The following SH3RF1 variants were observed in gnomAD, a reference collection of about 807,000 sequenced individuals.
SH3RF1 encodes SH3 domain containing ring finger 1, also known as E3 ubiquitin-protein ligase SH3RF1.
SH3RF1 carries 32 observed loss-of-function variants against 74.0 expected under a neutral mutation model. The observed-to-expected ratio is 0.43, with a 90% CI of 0.33 to 0.58. The LOEUF (loss-of-function observed/expected upper bound fraction) is 0.58, where lower values mean the gene tolerates loss of function less well. Among genes scored for constraint, SH3RF1 ranks in the 20% least tolerant of loss-of-function variants. The pLI is 0.05. For synonymous variants in SH3RF1, 396 were observed against 439.6 expected (o/e 0.90, Z 1.24); for missense variants, 954 against 1,130.9 (o/e 0.84, Z 2.24).
At chr4:169,213,462 T>C (rs1730413006) in intron 2 of SH3RF1, among the ~76,000 whole-genome samples, 1 of 152,242 alleles carries the variant, frequency 6.6e-6, no homozygotes, top group African/African-American at 2.4e-5. Context: ...AAATATTTTC[T>C]CCTAGTCTGT....
At chr4:169,247,871 A>T (rs1731029651) in intron 2 of SH3RF1, among the ~76,000 whole-genome samples, 1 of 40,566 alleles carries the variant, frequency 2.5e-5, no homozygotes, top group Non-Finnish European at 5.9e-5. Context: ...ACATTTATGC[A>T]GCCAACAAAC....
Position 169,198,065 on chromosome 4 carries a change from A to C in SH3RF1, c.394-41386T>G, listed in dbSNP as rs182352397. On this transcript the variant is annotated intron_variant, in intron 2 of 11. Coordinates refer to ENST00000284637, the MANE Select transcript of SH3RF1 (RefSeq NM_020870.4). ...TACTATTGTGCTTTAAGAAAAATCAATTGGTCCAAATTATTGCATCTAATG... is the reference window on the plus strand; with the variant it reads ...TACTATTGTGCTTTAAGAAAAATCACTTGGTCCAAATTATTGCATCTAATG... 2.1e-3 allele frequency among the ~76,000 whole-genome samples: 327 copies of C among 152,316 alleles called. 3 individuals carry two copies. Among genetic ancestry groups the C allele is most frequent in the African/African-American group, 7.7e-3 (319 of 41,580 alleles).
At chr4:169,121,952 T>C (rs149266412) in intron 7 of SH3RF1, 148 bp downstream of exon 7, 3 of 963,286 alleles carry the variant, frequency 3.1e-6, no homozygotes, top group Non-Finnish European at 3.0e-6. Flanking sequence ...GTTACATGCA[T>C]GACCAGGTAG....
intron 2 of SH3RF1, among the ~76,000 whole-genome samples, chr4:169,231,624 C>A (rs116291315): frequency 6.6e-6 from 1 of 151,962 alleles, no homozygotes; most frequent in Admixed American, 6.6e-5. Context: ...TTCTCCTACA[C>A]TCAAGATTCT....
intron 2 of SH3RF1, among the ~76,000 whole-genome samples, chr4:169,262,986 A>G (rs1157491779): frequency 1.3e-5 from 2 of 152,148 alleles, no homozygotes; most frequent in South Asian, 4.1e-4. Context: ...TGGTTTAGCC[A>G]AAACAAACAA....
rs1734055584 is a variant in SH3RF1, at chr4:169,156,448, C to T, written c.625G>A (p.Val209Met). 6.2e-7 allele frequency: 1 copy of T among 1,604,130 alleles called. No individual in the cohort carries two copies. The highest frequency in any genetic ancestry group is 8.5e-7 in the Non-Finnish European group (1 of 1,172,468). Residue 209 changes from valine (V) to methionine (M), a missense_variant, in exon 3 of 12, where the codon GTG (valine) becomes ATG (methionine). Val to Met is a conservative substitution (Grantham distance 21, BLOSUM62 1). Transcript: ENST00000284637. ...PQCKALYDFE[V>M]KDKEADKDCL... ...TCTTTGTCTGCTTCCTTGTCTTTCA[C>T]TTCAAAGTCATAAAGTGCTTTGCAC... is the stretch of plus-strand genomic sequence containing the variant.
chr4:169,125,054 T>C (rs971380172), intron 6 of SH3RF1, among the ~76,000 whole-genome samples: 5 of 152,190 alleles, frequency 3.3e-5, no homozygotes, highest in Non-Finnish European at 5.9e-5. Flanking sequence ...TTGTTAACAA[T>C]ATTCTGCTCA....
intron 6 of SH3RF1, among the ~76,000 whole-genome samples, chr4:169,123,243 T>C (rs570322102): frequency 1.3e-5 from 2 of 152,316 alleles, no homozygotes; most frequent in East Asian, 3.9e-4. Context: ...CTTATTTCTG[T>C]TTTTTGGAAT....
At chr4:169,234,197 T>G (rs573271426) in intron 2 of SH3RF1, among the ~76,000 whole-genome samples, 1 of 152,140 alleles carries the variant, frequency 6.6e-6, no homozygotes. Context: ...AATTTTTTTT[T>G]AAATTGTCCC....
chr4:169,268,090 A>G (rs771983705), intron 2 of SH3RF1, among the ~76,000 whole-genome samples: 30 of 152,172 alleles, frequency 2.0e-4, no homozygotes, highest in Non-Finnish European at 4.0e-4. Flanking sequence ...TCTAATAAAT[A>G]CAGAAATTTT....
intron 2 of SH3RF1, among the ~76,000 whole-genome samples, chr4:169,244,452 C>T (rs2110738022): frequency 6.6e-6 from 1 of 152,176 alleles, no homozygotes; most frequent in Admixed American, 6.5e-5. Flanking sequence ...TCTCTTTCTA[C>T]CCAATTCTAG....
chr4:169,101,107 G>A (rs1733020205), intron 11 of SH3RF1, among the ~76,000 whole-genome samples: 1 of 152,138 alleles, frequency 6.6e-6, no homozygotes, highest in African/African-American at 2.4e-5. Context: ...TGTCCGTCTC[G>A]TTTATTCTAC....
chr4:169,166,008 T>C (rs941297829), intron 2 of SH3RF1, among the ~76,000 whole-genome samples: 4 of 152,008 alleles, frequency 2.6e-5, no homozygotes, highest in African/African-American at 9.7e-5. Context: ...ACTGTAAGTT[T>C]TATAGGGGAA....
At chr4:169,174,139 C>T (rs1445944620) in intron 2 of SH3RF1, among the ~76,000 whole-genome samples, 2 of 152,118 alleles carry the variant, frequency 1.3e-5, no homozygotes, top group Non-Finnish European at 2.9e-5. Flanking sequence ...TCATGGCTCA[C>T]TGCAGCCCCG....
chr4:169,268,015 C>T (rs1029211013), intron 2 of SH3RF1, among the ~76,000 whole-genome samples: 11 of 152,012 alleles, frequency 7.2e-5, no homozygotes, highest in Admixed American at 4.6e-4. Context: ...CCATCACCTG[C>T]AACATAATTT....
chr4:169,200,273 ACT>A (rs1734887103), intron 2 of SH3RF1, among the ~76,000 whole-genome samples: 1 of 152,212 alleles, frequency 6.6e-6, no homozygotes, highest in Admixed American at 6.5e-5. Flanking sequence ...AAAAGTACAC[ACT>A]GTTTTCACAT....
At chr4:169,139,456 C>T (rs912964179) in intron 4 of SH3RF1, among the ~76,000 whole-genome samples, 1 of 152,174 alleles carries the variant, frequency 6.6e-6, no homozygotes, top group Non-Finnish European at 1.5e-5. Context: ...TTTTAAATTG[C>T]TGTGTAATAT....
intron 9 of SH3RF1, among the ~76,000 whole-genome samples, chr4:169,116,906 A>G (rs1367317846): frequency 6.6e-6 from 1 of 152,276 alleles, no homozygotes; most frequent in East Asian, 1.9e-4. Context: ...GCCTCTCCAC[A>G]GTGTTAGAGA....
intron 2 of SH3RF1, among the ~76,000 whole-genome samples, chr4:169,175,801 T>C (rs995712075): frequency 6.6e-6 from 1 of 152,204 alleles, no homozygotes; most frequent in Non-Finnish European, 1.5e-5. Context: ...TAATGCATTT[T>C]GCACTATTTG....
Sources: allele counts gnomAD v4.1 joint callset (sites outside exome capture counted in the v4.1 genomes callset), GRCh38; gene constraint gnomAD v4.1.1; transcripts MANE v1.5; gene names NCBI Gene and HGNC (gene_info 2026-07-23, HGNC 2026-07-21).